DIS3L2: variants seen among roughly 807,000 people sequenced by gnomAD.
DIS3L2 encodes DIS3-like exonuclease 2.
Under a neutral mutation model 97.5 loss-of-function variants are expected in DIS3L2, and 34 were observed. The ratio of observed to expected loss-of-function variants is 0.35; its 90% CI spans 0.27 to 0.46. The LOEUF (loss-of-function observed/expected upper bound fraction) is 0.46. Among genes scored for constraint, DIS3L2 ranks in the 20% least tolerant of loss-of-function variants. DIS3L2 has a pLI of 1.00. For synonymous variants in DIS3L2, 435 were observed against 445.2 expected (o/e 0.98, Z 0.29); for missense variants, 1,038 against 1,146.0 (o/e 0.91, Z 1.36).
intron 14 of DIS3L2, among the ~76,000 whole-genome samples, chr2:232,321,115 G>A (rs1695418510): frequency 6.6e-6 from 1 of 152,162 alleles, no homozygotes; most frequent in African/African-American, 2.4e-5. Flanking sequence ...GAGTCCCTTG[G>A]GAACAGAGGC....
At chr2:232,252,818 C>T (rs541799230) in intron 12 of DIS3L2, among the ~76,000 whole-genome samples, 3 of 152,174 alleles carry the variant, frequency 2.0e-5, no homozygotes, top group South Asian at 4.2e-4. Context: ...GGAGGATCAC[C>T]TAAGCCTGGG....
At chr2:232,006,173 C>T (rs528694946) in intron 1 of DIS3L2, among the ~76,000 whole-genome samples, 49 of 151,954 alleles carry the variant, frequency 3.2e-4, no homozygotes, top group African/African-American at 8.9e-4. Flanking sequence ...GGCGACAGAG[C>T]GAGACTCTGC....
intron 1 of DIS3L2, among the ~76,000 whole-genome samples, chr2:231,983,970 T>C (rs72985657): frequency 0.011 from 1,703 of 152,178 alleles, 20 homozygotes; most frequent in Non-Finnish European, 0.016. Flanking sequence ...CTAATTATTA[T>C]TGGGATATAA....
chr2:232,100,829 G>GTGTGTGTGTGTA (rs149798372), intron 6 of DIS3L2, among the ~76,000 whole-genome samples: 3 of 148,054 alleles, frequency 2.0e-5, no homozygotes, highest in African/African-American at 7.5e-5. Context: ...GTGTGTGTGT[G>GTGTGTGTGTGTA]TATATATATC....
At chr2:232,259,606 C>T (rs1431240455) in intron 12 of DIS3L2, among the ~76,000 whole-genome samples, 1 of 151,982 alleles carries the variant, frequency 6.6e-6, no homozygotes. Context: ...GGAGCATTCA[C>T]TAAGTTTTTT....
chr2:232,167,258 A>C (rs1444708614), intron 9 of DIS3L2, among the ~76,000 whole-genome samples: 1 of 152,112 alleles, frequency 6.6e-6, no homozygotes, highest in Non-Finnish European at 1.5e-5. Flanking sequence ...AATTTACTAC[A>C]TTGATAGTCT....
intron 8 of DIS3L2, among the ~76,000 whole-genome samples, chr2:232,145,963 G>A (rs1462748041): frequency 6.6e-6 from 1 of 152,160 alleles, no homozygotes; most frequent in Admixed American, 6.6e-5. Flanking sequence ...CAGCTAGAAA[G>A]TGGCACATGC....
rs369112864 is a variant in DIS3L2, at chr2:232,162,551, C to G, written c.951-908C>G. Among the ~76,000 whole-genome samples the G allele has an allele frequency of 1.1e-4, 16 of 152,216 alleles. 1 individual carries two copies. In the East Asian group the frequency reaches 1.2e-3, roughly 11 times the overall value. ...AACCTTTTTCATAGAAATCGAATAGCCTGAGAGAATGTCCTGATGCCATAG... is the reference window on the plus strand; with the variant it reads ...AACCTTTTTCATAGAAATCGAATAGGCTGAGAGAATGTCCTGATGCCATAG... On this transcript the variant is annotated intron_variant, in intron 8 of 20. Coordinates refer to ENST00000325385, the MANE Select transcript of DIS3L2 (RefSeq NM_152383.5).
At chr2:232,258,457 G>A (rs142552708) in intron 12 of DIS3L2, among the ~76,000 whole-genome samples, 4 of 152,194 alleles carry the variant, frequency 2.6e-5, no homozygotes, top group African/African-American at 9.6e-5. Flanking sequence ...GGTGGCATGT[G>A]CCTGTAGTCC....
At chr2:232,127,207 T>G (rs996305420) in intron 6 of DIS3L2, among the ~76,000 whole-genome samples, 1 of 152,172 alleles carries the variant, frequency 6.6e-6, no homozygotes, top group Non-Finnish European at 1.5e-5. Flanking sequence ...GTTCCAGACC[T>G]TCATTTTGAA....
intron 1 of DIS3L2, among the ~76,000 whole-genome samples, chr2:231,974,540 C>CT (rs35535304): frequency 5.9e-3 from 776 of 131,164 alleles, no homozygotes; most frequent in East Asian, 0.015. Context: ...TAATTTGGAT[C>CT]TTTTTTTTTT....
At chr2:232,140,978 A>G (rs2106359133) in intron 8 of DIS3L2, among the ~76,000 whole-genome samples, 1 of 152,262 alleles carries the variant, frequency 6.6e-6, no homozygotes, top group South Asian at 2.1e-4. Flanking sequence ...TTTGTTATAC[A>G]TTACAACATA....
rs996488660 is a variant in DIS3L2 at position 232,332,926 on chromosome 2, G to A, written c.2011-914G>A. Among the ~76,000 whole-genome samples, 35 of 152,070 alleles carry A rather than the reference G, an allele frequency of 2.3e-4. 1 individual carries two copies. The highest frequency in any genetic ancestry group is 3.8e-4 in the Non-Finnish European group (26 of 67,980). ...AAGAGCCTGAGGCCCGTATTGCACA[G>A]GGCAGGGGATCGCATCCTGGGCTTT... On this transcript the variant is annotated intron_variant, in intron 16 of 20. Transcript: ENST00000325385.
intron 10 of DIS3L2, among the ~76,000 whole-genome samples, chr2:232,221,950 C>CT (rs1463280106): frequency 1.2e-3 from 180 of 148,200 alleles, no homozygotes; most frequent in African/African-American, 2.5e-3. Context: ...CATTTCTTTT[C>CT]TTTTTTTTTT....
At chr2:232,063,483 G>A (rs1553604352) in intron 5 of DIS3L2, among the ~76,000 whole-genome samples, 1 of 151,656 alleles carries the variant, frequency 6.6e-6, no homozygotes, top group Non-Finnish European at 1.5e-5. Flanking sequence ...TGGATTTTTT[G>A]TTTTTTTTGT....
At position 232,337,092 on chromosome 2, in the gene DIS3L2, A is replaced by G; in HGVS notation, c.*462A>G. On this transcript the variant is annotated 3_prime_UTR_variant, in exon 21 of 21. Coordinates refer to ENST00000325385, the MANE Select transcript of DIS3L2 (RefSeq NM_152383.5). ...CTGCTGAGCCGATGTCAACACCTGG[A>G]ACTTTCCTGTCAGTTCCAACACGAT... 9.8e-7 allele frequency: 1 copy of G among 1,023,756 alleles called. No individual in the cohort carries two copies. The highest frequency in any genetic ancestry group is 3.8e-5 in the South Asian group (1 of 26,012). 63.4% of individuals were successfully genotyped at this position (1,023,756 alleles called of 1,614,324 possible).
intron 8 of DIS3L2, among the ~76,000 whole-genome samples, chr2:232,136,929 C>T (rs1016579593): frequency 6.6e-6 from 1 of 152,166 alleles, no homozygotes; most frequent in Non-Finnish European, 1.5e-5. Flanking sequence ...CAGTCACATT[C>T]TTGTTTTTGT....
rs1245370799 is a variant in DIS3L2, at chr2:232,334,937, C to G, written c.2394+202C>G. On this transcript the variant is annotated intron_variant, in intron 19 of 20. Coordinates refer to ENST00000325385, the MANE Select transcript of DIS3L2 (RefSeq NM_152383.5). ...GCCCAGGGTCAGGCCTGGCCCCCTT[C>G]CCCAAGGACCCAGGAACCAGAGAGC... The G allele has an allele frequency of 5.9e-5, 33 of 563,258 alleles. 1 individual carries two copies. The South Asian group carries it at 6.7e-4, about 11-fold the overall frequency. 34.9% of individuals were successfully genotyped at this position (563,258 alleles called of 1,614,324 possible).
At chr2:232,078,127 A>G (rs1696271597) in intron 5 of DIS3L2, among the ~76,000 whole-genome samples, 1 of 148,486 alleles carries the variant, frequency 6.7e-6, no homozygotes, top group Non-Finnish European at 1.5e-5. Flanking sequence ...CACTGCAACC[A>G]CCACCTCCCG....
Sources: allele counts gnomAD v4.1 joint callset (sites outside exome capture counted in the v4.1 genomes callset), GRCh38; gene constraint gnomAD v4.1.1; transcripts MANE v1.5; gene names NCBI Gene and HGNC (gene_info 2026-07-23, HGNC 2026-07-21).